The following SPATC1 variants were observed in gnomAD, a reference collection of about 807,000 sequenced individuals.
SPATC1 encodes speriolin.
Under a neutral mutation model 36.5 loss-of-function variants are expected in SPATC1, and 35 were observed. The observed-to-expected ratio is 0.96, with a 90% confidence interval of 0.73 to 1.27. The LOEUF is 1.27. Among genes scored for constraint, SPATC1 ranks in the 50% most tolerant of loss-of-function variants. The pLI is 0.00. For missense variants in SPATC1, 779 were observed against 796.0 expected (o/e 0.98, Z 0.26); for synonymous variants, 361 against 353.6 (o/e 1.02, Z -0.24).
At chr8:144,013,586 T>C (rs114348188) in intron 1 of SPATC1, among the ~76,000 whole-genome samples, 5,315 of 152,194 alleles carry the variant, frequency 0.035, 340 homozygotes, top group African/African-American at 0.12. Context: ...CCTTACTGAT[T>C]ACGAGCACAT....
At chr8:144,024,604 C>T (rs1198239843) in intron 1 of SPATC1, among the ~76,000 whole-genome samples, 1 of 150,904 alleles carries the variant, frequency 6.6e-6, no homozygotes, top group Non-Finnish European at 1.5e-5. Context: ...TCCCTCAGAA[C>T]CCTCTCTCCT....
chr8:144,041,921 C>T (rs1373091374), intron 4 of SPATC1: 3 of 984,752 alleles, frequency 3.0e-6, no homozygotes, highest in East Asian at 1.1e-4. Context: ...TGGAGCTTTG[C>T]CTCTGGTTAA....
chr8:144,046,218 G>A lies in SPATC1; in HGVS notation c.1447-409G>A, dbSNP rs572527463. Among the ~76,000 whole-genome samples, 2 of 152,224 alleles carry A rather than the reference G, an allele frequency of 1.3e-5. No homozygotes were observed. Among genetic ancestry groups the A allele is most frequent in the Non-Finnish European group, 2.9e-5 (2 of 67,972 alleles). Reference sequence around the variant, plus strand: ...GGAGCAGAGCACGGAGCCAGGAGGAGGCCTGGGAAAGACCCCAGACTCCTG... The same window carrying A: ...GGAGCAGAGCACGGAGCCAGGAGGAAGCCTGGGAAAGACCCCAGACTCCTG... On this transcript the variant is annotated intron_variant, in intron 4 of 4. Coordinates refer to ENST00000377470, the MANE Select transcript of SPATC1 (RefSeq NM_198572.3). The surrounding 1 kb of genome is among the most constrained non-coding windows in gnomAD (Gnocchi z 6.6).
chr8:144,026,860 A>G (rs1834689665), intron 1 of SPATC1, among the ~76,000 whole-genome samples: 1 of 139,940 alleles, frequency 7.1e-6, no homozygotes, highest in South Asian at 2.2e-4. Context: ...CAGGCTAGAG[A>G]GTGCAGTGGC....
At chr8:144,028,362 A>G (rs1018103223) in intron 1 of SPATC1, among the ~76,000 whole-genome samples, 8,780 of 86,630 alleles carry the variant, frequency 0.1, 308 homozygotes, top group South Asian at 0.14. Context: ...ATTTACAAGA[A>G]AAAAAAAAAC....
At chr8:144,043,299 ATT>A (rs797036957) in intron 4 of SPATC1, among the ~76,000 whole-genome samples, 4 of 127,890 alleles carry the variant, frequency 3.1e-5, no homozygotes, top group Admixed American at 2.4e-4. Flanking sequence ...CCAGCCTTAC[ATT>A]TTTTTTTTTT....
At chr8:144,020,975 G>C in intron 1 of SPATC1, among the ~76,000 whole-genome samples, 1 of 118,368 alleles carries the variant, frequency 8.4e-6, no homozygotes, top group East Asian at 2.6e-4. Context: ...TCCCCCTCAA[G>C]ACCCTCTCCC....
intron 1 of SPATC1, among the ~76,000 whole-genome samples, chr8:144,038,213 T>A (rs1277082710): frequency 6.6e-6 from 1 of 151,398 alleles, no homozygotes; most frequent in East Asian, 2.0e-4. Context: ...GGCAGGCAGA[T>A]CATGAGGTCA....
chr8:144,034,043 G>A (rs1322003510), intron 1 of SPATC1, among the ~76,000 whole-genome samples: 4 of 152,314 alleles, frequency 2.6e-5, no homozygotes, highest in East Asian at 1.9e-4. Flanking sequence ...TATTTTTCAG[G>A]GCCTAACCTT....
intron 4 of SPATC1, among the ~76,000 whole-genome samples, chr8:144,043,795 G>A (rs1835181661): frequency 6.6e-6 from 1 of 151,364 alleles, no homozygotes. Context: ...CCTGTGTTCA[G>A]ACAGAGATTC....
intron 1 of SPATC1, among the ~76,000 whole-genome samples, chr8:144,032,660 C>G (rs1834820939): frequency 6.6e-6 from 1 of 152,166 alleles, no homozygotes; most frequent in Non-Finnish European, 1.5e-5. Flanking sequence ...ATTCCTCCCT[C>G]CCCAGGGTTT....
chr8:144,030,194 G>C (rs1834766708), intron 1 of SPATC1, among the ~76,000 whole-genome samples: 1 of 152,114 alleles, frequency 6.6e-6, no homozygotes, highest in African/African-American at 2.4e-5. Context: ...TCGATCTAAA[G>C]TGAGTCTCTT....
At chr8:144,014,337 AAGAG>A (rs1408367263) in intron 1 of SPATC1, among the ~76,000 whole-genome samples, 1 of 151,448 alleles carries the variant, frequency 6.6e-6, no homozygotes, top group Non-Finnish European at 1.5e-5. Context: ...GAAAGAAAGA[AAGAG>A]AAAGAAAGGG....
chr8:144,042,302 TATA>T (rs1174824016), intron 4 of SPATC1, among the ~76,000 whole-genome samples: 7 of 66,776 alleles, frequency 1.0e-4, no homozygotes, highest in South Asian at 1.3e-3. Flanking sequence ...TATATATATA[TATA>T]TATATATTTT....
intron 1 of SPATC1, among the ~76,000 whole-genome samples, chr8:144,021,203 A>AC (rs1834521119): frequency 8.3e-6 from 1 of 119,766 alleles, no homozygotes; most frequent in African/African-American, 3.2e-5. Context: ...TCCCCTTAGA[A>AC]CCCCCTCCCC....
intron 4 of SPATC1, 37 bp downstream of exon 4, chr8:144,041,408 G>A (rs782030060): frequency 4.4e-6 from 7 of 1,597,392 alleles, no homozygotes; most frequent in Admixed American, 1.7e-5. Context: ...CAGGGGGCAG[G>A]TTGGCCCATG....
chr8:144,012,258 G>T (rs1834293140), upstream of SPATC1, among the ~76,000 whole-genome samples: 1 of 152,248 alleles, frequency 6.6e-6, no homozygotes. Flanking sequence ...GGTGAAGTTG[G>T]CGAGACAGAG....
At chr8:144,012,164 A>G (rs1834291556), upstream of SPATC1, among the ~76,000 whole-genome samples, 1 of 152,246 alleles carries the variant, frequency 6.6e-6, no homozygotes, top group African/African-American at 2.4e-5. Flanking sequence ...GCTATGACAC[A>G]GGACACATCT....
At chr8:144,015,404 T>A (rs1330794572) in intron 1 of SPATC1, among the ~76,000 whole-genome samples, 2 of 150,958 alleles carry the variant, frequency 1.3e-5, no homozygotes, top group Admixed American at 6.6e-5. Context: ...ATATTTAAAA[T>A]TTTTAAAAAA....
Sources: gnomAD v4.1 joint callset for allele counts (sites outside exome capture counted in the v4.1 genomes callset) on GRCh38, gnomAD v4.1.1 for gene constraint, Gnocchi (gnomAD v3.1) non-coding constraint, MANE v1.5 for transcripts, NCBI Gene and HGNC (gene_info 2026-07-23, HGNC 2026-07-21) for gene names.